Variants in ATP4A observed in about 807,000 individuals in gnomAD.
The protein encoded by ATP4A is potassium-transporting ATPase alpha chain 1.
A neutral mutation model predicts 112.1 loss-of-function variants in ATP4A; 73 were observed. That is an observed-to-expected ratio of 0.65 (90% confidence interval 0.54 to 0.79). The LOEUF is 0.79. Ranked by LOEUF, ATP4A falls within the 30% of genes least tolerant of loss-of-function variation. The pLI, the probability that ATP4A is intolerant of heterozygous loss-of-function variation, is 0.00. For synonymous variants in ATP4A, 588 were observed against 588.9 expected (o/e 1.00, Z 0.02); for missense variants, 1,081 against 1,425.9 (o/e 0.76, Z 3.90).
At position 35,557,085 on chromosome 19, in the gene ATP4A, A is replaced by C; in HGVS notation, c.1697T>G (p.Phe566Cys). Residue 566 changes from phenylalanine to cysteine, a missense_variant, in exon 12 of 22, where the codon TTC becomes TGC. By Grantham distance (205) the Phe-to-Cys change is radical. This residue lies in a region of ATP4A where 850 missense variants were observed against 1,068.2 expected (regional missense o/e 0.80). Transcript: ENST00000262623. This position sits in a 1 kb window ranked among gnomAD's most constrained non-coding sequence, Gnocchi z 4.4. Reference sequence around the variant, plus strand: ...CTTCTCATTCAGGTAGAGCTGGCAGAAGCCTGACCGGAAACGGGGAAGTCA... The same window carrying C: ...CTTCTCATTCAGGTAGAGCTGGCAGCAGCCTGACCGGAAACGGGGAAGTCA... ...LGGLGERVLG[F>C]CQLYLNEKDY... 1 of 1,614,156 alleles carries C rather than the reference A, an allele frequency of 6.2e-7. No individual in the cohort carries two copies. Among genetic ancestry groups the C allele is most frequent in the Non-Finnish European group, 8.5e-7 (1 of 1,180,020 alleles).
chr19:35,554,875 G>A, intron 16 of ATP4A, 47 bp downstream of exon 16: 1 of 1,611,996 alleles, frequency 6.2e-7, no homozygotes, highest in Non-Finnish European at 8.5e-7. Context: ...CTGCAAGCAA[G>A]TGTCTCTGGG....
chr19:35,557,175 T>A lies in ATP4A; in HGVS notation c.1694-87A>T. ...GAAATGGGTAAAATAACCAGGCCCCTTGCACCAAACACCTATGGATGCCTG... is the reference window on the plus strand; with the variant it reads ...GAAATGGGTAAAATAACCAGGCCCCATGCACCAAACACCTATGGATGCCTG... On this transcript the variant is annotated intron_variant, in intron 11 of 21. Coordinates refer to ENST00000262623, the MANE Select transcript of ATP4A (RefSeq NM_000704.3). The surrounding 1 kb of genome is among the most constrained non-coding windows in gnomAD (Gnocchi z 4.4). The A allele has an allele frequency of 6.7e-7, 1 of 1,488,054 alleles. No homozygotes were observed. The highest frequency in any genetic ancestry group is 9.2e-7 in the Non-Finnish European group (1 of 1,083,126). The allele number at this position is 1,488,054 out of a possible 1,614,324, so 92.2% of individuals were successfully genotyped here.
intron 4 of ATP4A, 115 bp from the exon 5 acceptor site, chr19:35,561,047 C>T: frequency 1.2e-6 from 1 of 817,324 alleles, no homozygotes; most frequent in South Asian, 1.5e-5. Flanking sequence ...CTTTTCCCCA[C>T]CTACTAGGAA....
chr19:35,556,910 T>C lies in ATP4A; in HGVS notation c.1869+3A>G. The C allele has an allele frequency of 6.2e-7, 1 of 1,613,036 alleles. No homozygotes were observed. The highest frequency in any genetic ancestry group is 8.5e-7 in the Non-Finnish European group (1 of 1,179,148). The stretch of plus-strand genomic sequence containing the variant: ...CCACTTGTTCCTCCCCACAGTGGCA[T>C]ACCCGGATGCCTGCGGTGCGACACT... On this transcript the variant is annotated splice_donor_region_variant and intron_variant, in intron 12 of 21. Transcript: ENST00000262623.
At position 35,558,569 on chromosome 19, in the gene ATP4A, G is replaced by T. The variant is rs1568315130; in HGVS notation, c.1365+8C>A. 1 of 1,599,300 alleles carries T rather than the reference G, an allele frequency of 6.3e-7. No homozygotes were observed. Among genetic ancestry groups the T allele is most frequent in the South Asian group, 1.1e-5 (1 of 88,272 alleles). On this transcript the variant is annotated splice_region_variant and intron_variant, in intron 9 of 21. Coordinates refer to ENST00000262623, the MANE Select transcript of ATP4A (RefSeq NM_000704.3). This position sits in a 1 kb window ranked among gnomAD's most constrained non-coding sequence, Gnocchi z 5.1. Reference sequence around the variant, plus strand: ...CCCGGGATTCCCTGGAGGCCCCCTGGCTCTCACCTTGGGCACAGGCACTGC... The same window carrying T: ...CCCGGGATTCCCTGGAGGCCCCCTGTCTCTCACCTTGGGCACAGGCACTGC...
chr19:35,552,177 G>C (rs2071605786), intron 18 of ATP4A, among the ~76,000 whole-genome samples: 2 of 152,174 alleles, frequency 1.3e-5, no homozygotes. Context: ...CTCCCAAGTA[G>C]CTGGAATTAC....
intron 2 of ATP4A, 24 bp downstream of exon 2, chr19:35,563,360 C>T (rs769059452): frequency 3.7e-6 from 6 of 1,613,274 alleles, no homozygotes; most frequent in South Asian, 1.1e-5. Flanking sequence ...CTCCAGCTCC[C>T]GCCCCTCCCC....
chr19:35,551,048 G>T lies in ATP4A; in HGVS notation c.2949C>A (p.Cys983Ter). ...AGTTGAAGATGTTGGGCATGCCGGG[G>T]CAGTAGCACAGGAAGCAGCCGATGC... ...QVCIGCFLCY[C>*]PGMPNIFNFM... is the part of the protein sequence containing the mutation. The change falls in exon 20 of 22, where the codon TGC becomes TGA. Residue 983 changes from cysteine to a stop codon, truncating the protein, a stop_gained. Coordinates refer to ENST00000262623, the MANE Select transcript of ATP4A (RefSeq NM_000704.3). LOFTEE classifies it high-confidence loss of function. This position sits in a 1 kb window ranked among gnomAD's most constrained non-coding sequence, Gnocchi z 5.2. The T allele has an allele frequency of 6.2e-7, 1 of 1,613,944 alleles. No homozygotes were observed. Among genetic ancestry groups the T allele is most frequent in the Non-Finnish European group, 8.5e-7 (1 of 1,179,898 alleles).
Position 35,555,133 on chromosome 19 carries a change from C to T in ATP4A, c.2326+33G>A, listed in dbSNP as rs1001775978. 4 of 1,613,894 alleles carry T rather than the reference C, an allele frequency of 2.5e-6. No homozygotes were observed. Among genetic ancestry groups the T allele is most frequent in the East Asian group, 2.2e-5 (1 of 44,902 alleles). On this transcript the variant is annotated intron_variant, in intron 15 of 21. Transcript: ENST00000262623. This position sits in a 1 kb window ranked among gnomAD's most constrained non-coding sequence, Gnocchi z 6.6. ...CACAGCCCTCTCCCTCCTGTGCCCA[C>T]ACTGCCTGCCCTCCCCCTGGCGTGG...
chr19:35,557,606 C>A lies in ATP4A; in HGVS notation c.1693+49G>T. 1 of 1,549,118 alleles carries A rather than the reference C, an allele frequency of 6.5e-7. No individual in the cohort carries two copies. ...CCGGGAGTGGTGGGCAGGGTCTGTG[C>A]TAGCTCCTCCTCGCACCTGGAGTCT... On this transcript the variant is annotated intron_variant, in intron 11 of 21. Transcript: ENST00000262623. This position sits in a 1 kb window ranked among gnomAD's most constrained non-coding sequence, Gnocchi z 4.4.
In ATP4A at chr19:35,558,580, G is replaced by C. The variant is rs2071647435; in HGVS notation, c.1362C>G (p.Pro454=). 6.2e-7 allele frequency: 1 copy of C among 1,602,932 alleles called. No individual in the cohort carries two copies. The highest frequency in any genetic ancestry group is 1.7e-5 in the Admixed American group (1 of 57,874). The change falls in exon 9 of 22, where the codon CCC becomes CCG. Residue 454 remains proline, a synonymous_variant. Transcript: ENST00000262623. The surrounding 1 kb of genome is among the most constrained non-coding windows in gnomAD (Gnocchi z 5.1). The part of the protein sequence containing the change: ...FKSGQDAVPV[P]KRIVIGDASE... Reference sequence around the variant, plus strand: ...CTGGAGGCCCCCTGGCTCTCACCTTGGGCACAGGCACTGCATCCTGGCCGG... The same window carrying C: ...CTGGAGGCCCCCTGGCTCTCACCTTCGGCACAGGCACTGCATCCTGGCCGG...
chr19:35,560,457 C>G lies in ATP4A; in HGVS notation c.693G>C (p.Gly231=), dbSNP rs1434538183. Residue 231 remains glycine (G), a synonymous_variant, in exon 6 of 22, where the codon GGG becomes GGC. Coordinates refer to ENST00000262623, the MANE Select transcript of ATP4A (RefSeq NM_000704.3). The surrounding 1 kb of genome is among the most constrained non-coding windows in gnomAD (Gnocchi z 5.1). ...GCKVDNSSLT[G]ESEPQTRSPE... Reference sequence around the variant, plus strand: ...GTGAGCGGGTCTGTGGCTCAGACTCCCCTGTCAGCGAGGAGTTGTCCACCT... The same window carrying G: ...GTGAGCGGGTCTGTGGCTCAGACTCGCCTGTCAGCGAGGAGTTGTCCACCT... The G allele has an allele frequency of 1.2e-6, 2 of 1,613,776 alleles. No individual in the cohort carries two copies. The highest frequency in any genetic ancestry group is 2.2e-5 in the South Asian group (2 of 91,086).
Position 35,560,327 on chromosome 19 carries a change from G to A in ATP4A, c.787+36C>T, listed in dbSNP as rs1364956780. On this transcript the variant is annotated intron_variant, in intron 6 of 21. Coordinates refer to ENST00000262623, the MANE Select transcript of ATP4A (RefSeq NM_000704.3). The surrounding 1 kb of genome is among the most constrained non-coding windows in gnomAD (Gnocchi z 5.1). ...AGCAGGAGAGAGGCCAGTGGAGGCA[G>A]CAGTTACTGGGCAGGCAGGCGGGGG... 1 of 1,609,294 alleles carries A rather than the reference G, an allele frequency of 6.2e-7. No homozygotes were observed. The highest frequency in any genetic ancestry group is 1.7e-5 in the Admixed American group (1 of 59,952).
intron 3 of ATP4A, 21 bp downstream of exon 3, chr19:35,563,188 C>A (rs767547437): frequency 1.2e-6 from 2 of 1,612,994 alleles, no homozygotes. Context: ...CCTTTCTGTA[C>A]GCTCCCAGTC....
At chr19:35,554,693 G>T (rs889906983) in intron 16 of ATP4A, among the ~76,000 whole-genome samples, 1 of 151,386 alleles carries the variant, frequency 6.6e-6, no homozygotes, top group African/African-American at 2.4e-5. Flanking sequence ...TGCATGGGTC[G>T]GCCCGGGCCT....
chr19:35,551,583 G>C lies in ATP4A; in HGVS notation c.2752-3C>G. The C allele has an allele frequency of 6.2e-7, 1 of 1,611,252 alleles. No homozygotes were observed. The highest frequency in any genetic ancestry group is 2.2e-5 in the East Asian group (1 of 44,744). On this transcript the variant is annotated splice_region_variant and splice_polypyrimidine_tract_variant and intron_variant, in intron 18 of 21. Coordinates refer to ENST00000262623, the MANE Select transcript of ATP4A (RefSeq NM_000704.3). The surrounding 1 kb of genome is among the most constrained non-coding windows in gnomAD (Gnocchi z 5.2). ...TGGTACAGGCGCTGCCCGAATGTCT[G>C]CAGGCCAGGGGCAAACGGAAACAGC...
rs766627875 is a variant in ATP4A at position 35,553,023 on chromosome 19, G to A, written c.2751+14C>T. The A allele has an allele frequency of 1.5e-5, 23 of 1,581,228 alleles. No individual in the cohort carries two copies. The highest frequency in any genetic ancestry group is 3.5e-4 in the Middle Eastern group (2 of 5,706). ...AGGGAGCCCAGGGATGGGATGGGGC[G>A]GGGCAGGGCTCACCCACTCCTGGCC... On this transcript the variant is annotated intron_variant, in intron 18 of 21. Coordinates refer to ENST00000262623, the MANE Select transcript of ATP4A (RefSeq NM_000704.3).
chr19:35,552,890 G>GC (rs34832986), intron 18 of ATP4A, 147 bp downstream of exon 18: 41 of 1,002,726 alleles, frequency 4.1e-5, no homozygotes, highest in Non-Finnish European at 5.5e-5. Context: ...AAAGGCCCTT[G>GC]CCCCCCCGAA....
In ATP4A at chr19:35,559,733, G is replaced by A. The variant is rs1265820486; in HGVS notation, c.1056+72C>T. On this transcript the variant is annotated intron_variant, in intron 7 of 21. Transcript: ENST00000262623. This position sits in a 1 kb window ranked among gnomAD's most constrained non-coding sequence, Gnocchi z 4.1. Reference sequence around the variant, plus strand: ...ATAGACAGGCAGGGAGGTGATGGGGGAAATGTGGAGGAAAGAACAGATGGT... The same window carrying A: ...ATAGACAGGCAGGGAGGTGATGGGGAAAATGTGGAGGAAAGAACAGATGGT... The A allele has an allele frequency of 9.6e-6, 15 of 1,559,690 alleles. No homozygotes were observed. The highest frequency in any genetic ancestry group is 2.2e-4 in the Middle Eastern group (1 of 4,562).
Sources: allele counts gnomAD v4.1 joint callset (sites outside exome capture counted in the v4.1 genomes callset), GRCh38; gene constraint gnomAD v4.1.1; regional missense constraint gnomAD v4.1.1; non-coding constraint Gnocchi (gnomAD v3.1); transcripts MANE v1.5; gene names NCBI Gene and HGNC (gene_info 2026-07-23, HGNC 2026-07-21).